The following TPRG1 variants were observed in gnomAD, a reference collection of about 807,000 sequenced individuals.
The protein encoded by TPRG1 is tumor protein p63 regulated 1.
TPRG1 carries 29 observed loss-of-function variants against 29.3 expected under a neutral mutation model. The observed-to-expected ratio is 0.99, with a 90% CI of 0.74 to 1.35. The LOEUF is 1.35. TPRG1 is among the 40% of genes most tolerant of loss of function. The pLI is 0.00. For synonymous variants in TPRG1, 130 were observed against 116.8 expected (o/e 1.11, Z -0.73); for missense variants, 327 against 335.0 (o/e 0.98, Z 0.19).
chr3:189,220,296 T>A (rs551587550), intron 3 of TPRG1, among the ~76,000 whole-genome samples: 53 of 152,182 alleles, frequency 3.5e-4, no homozygotes, highest in African/African-American at 1.3e-3. Flanking sequence ...ATATATAGTA[T>A]ATAATTCCAG....
upstream of TPRG1, among the ~76,000 whole-genome samples, chr3:189,097,370 A>G (rs1473621336): frequency 2.0e-5 from 3 of 152,206 alleles, no homozygotes; most frequent in African/African-American, 7.2e-5. Context: ...TCTGTGAAAT[A>G]CCCAGGTTTA....
rs188385945 is a variant in TPRG1 at position 189,263,813 on chromosome 3, A to G, written c.479+24904A>G. Among the ~76,000 whole-genome samples, 1,011 of 152,338 alleles carry G rather than the reference A, an allele frequency of 6.6e-3. 5 individuals are homozygous for G. The highest frequency in any genetic ancestry group is 0.01 in the Non-Finnish European group (683 of 68,034). ...AAAATCAGAAGTGCATCTTGATGCT[A>G]TGGCATTTCACTCCAAACTAAGAGA... On this transcript the variant is annotated intron_variant, in intron 4 of 5. Coordinates refer to ENST00000345063, the MANE Select transcript of TPRG1 (RefSeq NM_198485.4).
intron 1 of TPRG1, among the ~76,000 whole-genome samples, chr3:188,997,996 T>G (rs773649072): frequency 5.3e-5 from 8 of 152,150 alleles, no homozygotes; most frequent in African/African-American, 9.7e-5. Flanking sequence ...ATTCATTCAT[T>G]CATTCATTCA....
At chr3:189,037,791 A>G (rs1233411458) in intron 4 of TPRG1, among the ~76,000 whole-genome samples, 1 of 151,798 alleles carries the variant, frequency 6.6e-6, no homozygotes, top group Non-Finnish European at 1.5e-5. Context: ...ATTTTCTACC[A>G]GTAGTAAATT....
intron 3 of TPRG1, among the ~76,000 whole-genome samples, chr3:189,238,408 T>G (rs986118153): frequency 2.5e-4 from 38 of 152,212 alleles, no homozygotes; most frequent in African/African-American, 9.2e-4. Context: ...TCTAGAGAAC[T>G]GGGAAAATGT....
intron 4 of TPRG1, among the ~76,000 whole-genome samples, chr3:189,038,085 T>C (rs956372940): frequency 6.6e-6 from 1 of 151,688 alleles, no homozygotes; most frequent in Admixed American, 6.6e-5. Context: ...CAAAAGTCCA[T>C]AAGTAAATGA....
At chr3:189,239,647 A>C (rs1264879842) in intron 4 of TPRG1, among the ~76,000 whole-genome samples, 1 of 152,210 alleles carries the variant, frequency 6.6e-6, no homozygotes, top group Non-Finnish European at 1.5e-5. Context: ...CCAAAGGGGA[A>C]GAACATTCCA....
chr3:189,124,556 GTA>G (rs997714902), intron 1 of TPRG1, among the ~76,000 whole-genome samples: 5 of 150,554 alleles, frequency 3.3e-5, no homozygotes, highest in South Asian at 2.1e-4. Context: ...GTGTGTGTGT[GTA>G]TATATATATA....
intron 5 of TPRG1, among the ~76,000 whole-genome samples, chr3:189,315,228 T>C (rs1186320707): frequency 6.6e-6 from 1 of 152,048 alleles, no homozygotes; most frequent in African/African-American, 2.4e-5. Context: ...TAGTTCTATG[T>C]TATACCCAGT....
At chr3:189,183,144 G>A (rs1730459150) in intron 1 of TPRG1, among the ~76,000 whole-genome samples, 1 of 152,142 alleles carries the variant, frequency 6.6e-6, no homozygotes, top group Admixed American at 6.5e-5. Context: ...GAAATAAAGG[G>A]ACAGAGTACA....
intron 5 of TPRG1, among the ~76,000 whole-genome samples, chr3:189,158,254 C>T (rs997179418): frequency 1.3e-5 from 2 of 152,158 alleles, no homozygotes; most frequent in Non-Finnish European, 2.9e-5. Context: ...CTAGGTTTCA[C>T]TATTATTCTC....
chr3:189,315,695 C>T, intron 5 of TPRG1: 1 of 290,538 alleles, frequency 3.4e-6, no homozygotes, highest in Non-Finnish European at 6.9e-6. Context: ...ATACTCTTAG[C>T]CCTTTGTTTG....
intron 1 of TPRG1, among the ~76,000 whole-genome samples, chr3:189,117,196 AG>A (rs1721280984): frequency 6.6e-6 from 1 of 152,180 alleles, no homozygotes; most frequent in Admixed American, 6.5e-5. Flanking sequence ...TGAGGAAAAG[AG>A]GGTAAAGAGG....
chr3:189,217,905 A>T lies in TPRG1; in HGVS notation c.302+2522A>T, dbSNP rs533593511. The T allele has an allele frequency of 2.5e-5, 25 of 985,456 alleles. No individual in the cohort carries two copies. In the East Asian group the frequency reaches 2.4e-3, roughly 94 times the overall value. The allele number at this position is 985,456 out of a possible 1,614,324, so 61.0% of individuals were successfully genotyped here. On this transcript the variant is annotated intron_variant, in intron 3 of 5. Coordinates refer to ENST00000345063, the MANE Select transcript of TPRG1 (RefSeq NM_198485.4). Reference sequence around the variant, plus strand: ...ACCAAGGCAGGGAAAGGCAAAAACAACAACAATGAGAACACAAAAACAAAA... The same window carrying T: ...ACCAAGGCAGGGAAAGGCAAAAACATCAACAATGAGAACACAAAAACAAAA...
chr3:189,260,872 C>T lies in TPRG1; in HGVS notation c.479+21963C>T, dbSNP rs138414513. On this transcript the variant is annotated intron_variant, in intron 4 of 5. Coordinates refer to ENST00000345063, the MANE Select transcript of TPRG1 (RefSeq NM_198485.4). ...TTCTATTATCTCAACCTTGCTTTCTCGGATCCAAAGGCCAAGAAGTTGCTG... is the reference window on the plus strand; with the variant it reads ...TTCTATTATCTCAACCTTGCTTTCTTGGATCCAAAGGCCAAGAAGTTGCTG... Among the ~76,000 whole-genome samples, 295 of 152,244 alleles carry T rather than the reference C, an allele frequency of 1.9e-3. 2 individuals carry two copies. Among genetic ancestry groups the T allele is most frequent in the South Asian group, 0.016 (76 of 4,814 alleles).
At chr3:189,265,988 G>A (rs987042944) in intron 4 of TPRG1, among the ~76,000 whole-genome samples, 1 of 152,090 alleles carries the variant, frequency 6.6e-6, no homozygotes, top group South Asian at 2.1e-4. Flanking sequence ...TAGGAGAAGG[G>A]TTCCTGCCAA....
At chr3:189,256,614 C>A (rs1363260353) in intron 4 of TPRG1, among the ~76,000 whole-genome samples, 1 of 152,114 alleles carries the variant, frequency 6.6e-6, no homozygotes, top group Admixed American at 6.5e-5. Context: ...GCATTAAAGT[C>A]TCCCACTATT....
intron 3 of TPRG1, among the ~76,000 whole-genome samples, chr3:189,011,773 G>A (rs1712613085): frequency 6.6e-6 from 1 of 152,176 alleles, no homozygotes. Flanking sequence ...AGCATGGGAT[G>A]TTTTTCCATC....
rs566432444 is a variant in TPRG1, at chr3:189,022,804, A to G, written c.-659-946A>G. ...TTGTTTACCTAATCAAGCCGGGGCAATGGCGGGCGCCCCTCCCCCAGCCTC... is the reference window on the plus strand; with the variant it reads ...TTGTTTACCTAATCAAGCCGGGGCAGTGGCGGGCGCCCCTCCCCCAGCCTC... On this transcript the variant is annotated intron_variant, in intron 3 of 10. Transcript: ENST00000433971. Among the ~76,000 whole-genome samples, 4 of 152,322 alleles carry G rather than the reference A, an allele frequency of 2.6e-5. No individual in the cohort carries two copies. In the South Asian group the frequency reaches 8.3e-4, roughly 32 times the overall value.
Sources: allele counts gnomAD v4.1 joint callset (sites outside exome capture counted in the v4.1 genomes callset), GRCh38; gene constraint gnomAD v4.1.1; transcripts MANE v1.5; gene names NCBI Gene and HGNC (gene_info 2026-07-23, HGNC 2026-07-21).